ARHGAP32: variants seen among roughly 807,000 people sequenced by gnomAD.
ARHGAP32 encodes the protein rho GTPase-activating protein 32.
A neutral mutation model predicts 186.5 loss-of-function variants in ARHGAP32; 51 were observed. The ratio of observed to expected loss-of-function variants is 0.27; its 90% CI spans 0.22 to 0.35. The LOEUF (loss-of-function observed/expected upper bound fraction) is 0.35. Among genes scored for constraint, ARHGAP32 ranks in the 10% least tolerant of loss-of-function variants. ARHGAP32 has a pLI of 1.00. For synonymous variants in ARHGAP32, 950 were observed against 964.3 expected, an observed-to-expected ratio of 0.99 and a Z score of 0.27; for missense variants, 2,186 against 2,623.5, an observed-to-expected ratio of 0.83 and a Z score of 3.64.
chr11:129,076,875 C>G (rs1446440318), intron 6 of ARHGAP32, among the ~76,000 whole-genome samples: 2 of 152,114 alleles, frequency 1.3e-5, no homozygotes, highest in East Asian at 3.9e-4. Flanking sequence ...AGTCACAAAC[C>G]GTTGGAAAAA....
In ARHGAP32 at chr11:129,192,297, T is replaced by G; in HGVS notation, c.-99A>C. 1.3e-6 allele frequency: 1 copy of G among 799,640 alleles called. No homozygotes were observed. The highest frequency in any genetic ancestry group is 2.5e-5 in the East Asian group (1 of 40,810). The allele number at this position is 799,640 out of a possible 1,614,324, so 49.5% of individuals were successfully genotyped here. On this transcript the variant is annotated 5_prime_UTR_variant, in exon 1 of 23. Transcript: ENST00000682385. ...CTCTACTCATGTATACTCAGATGTGTGTCTGGTGCCCTAGTGACAGGTACT... is the reference window on the plus strand; with the variant it reads ...CTCTACTCATGTATACTCAGATGTGGGTCTGGTGCCCTAGTGACAGGTACT...
At chr11:129,050,499 C>G (rs919769832) in intron 10 of ARHGAP32, among the ~76,000 whole-genome samples, 4 of 152,194 alleles carry the variant, frequency 2.6e-5, no homozygotes, top group Non-Finnish European at 4.4e-5. Context: ...TGCTACTGAG[C>G]TTGCCCAGTG....
chr11:129,097,850 G>A (rs1333798842), intron 5 of ARHGAP32, among the ~76,000 whole-genome samples: 2 of 152,130 alleles, frequency 1.3e-5, no homozygotes, highest in Non-Finnish European at 2.9e-5. Context: ...AACTCAGAGA[G>A]ACCCACACTA....
intron 1 of ARHGAP32, among the ~76,000 whole-genome samples, chr11:129,205,527 CT>C (rs1190430581): frequency 6.6e-6 from 1 of 152,024 alleles, no homozygotes; most frequent in Non-Finnish European, 1.5e-5. Context: ...TTCTGTGCCA[CT>C]TATTACCTAT....
At chr11:129,017,337 G>A (rs1395253521) in intron 11 of ARHGAP32, among the ~76,000 whole-genome samples, 6 of 151,038 alleles carry the variant, frequency 4.0e-5, no homozygotes, top group Admixed American at 2.6e-4. Context: ...ACCTGTAATC[G>A]CAGCTACTCA....
chr11:129,272,493 T>C (rs1945485279), intron 1 of ARHGAP32, among the ~76,000 whole-genome samples: 1 of 152,226 alleles, frequency 6.6e-6, no homozygotes, highest in African/African-American at 2.4e-5. Context: ...ATACCACTTA[T>C]GTCCACATCC....
chr11:129,228,687 T>C (rs1370000541), intron 1 of ARHGAP32, among the ~76,000 whole-genome samples: 1 of 151,906 alleles, frequency 6.6e-6, no homozygotes, highest in Non-Finnish European at 1.5e-5. Flanking sequence ...GAGAGAAACA[T>C]CACACACTGG....
intron 1 of ARHGAP32, among the ~76,000 whole-genome samples, chr11:129,273,517 C>T (rs959904490): frequency 9.9e-5 from 15 of 152,164 alleles, no homozygotes; most frequent in Non-Finnish European, 1.8e-4. Flanking sequence ...AGACAAACAT[C>T]CAGGTCCTCT....
chr11:129,088,328 T>TCCCA (rs1941471247), intron 6 of ARHGAP32, among the ~76,000 whole-genome samples: 1 of 152,332 alleles, frequency 6.6e-6, no homozygotes, highest in East Asian at 1.9e-4. Context: ...ACACCTGTAA[T>TCCCA]CCCAGCACTT....
chr11:128,980,474 A>C, intron 18 of ARHGAP32, 79 bp downstream of exon 18: 1 of 1,212,474 alleles, frequency 8.2e-7, no homozygotes. Context: ...TAAAATACAA[A>C]ATTAAAAGCA....
At chr11:129,136,255 C>T (rs184369500) in intron 2 of ARHGAP32, among the ~76,000 whole-genome samples, 1 of 152,194 alleles carries the variant, frequency 6.6e-6, no homozygotes, top group East Asian at 1.9e-4. Flanking sequence ...ATAAGGCCCA[C>T]GTAAGATTCT....
At chr11:129,154,889 T>TA (rs71057927) in intron 2 of ARHGAP32, among the ~76,000 whole-genome samples, 6 of 151,616 alleles carry the variant, frequency 4.0e-5, no homozygotes, top group Middle Eastern at 3.4e-3. Flanking sequence ...AAATAACATT[T>TA]AAAAAAAAAT....
chr11:129,198,545 T>C (rs2135571471), intron 1 of ARHGAP32, among the ~76,000 whole-genome samples: 1 of 152,328 alleles, frequency 6.6e-6, no homozygotes, highest in East Asian at 1.9e-4. Context: ...GGCACCCCTG[T>C]CGCTTGGCTC....
chr11:129,231,842 T>C lies in ARHGAP32; in HGVS notation c.-5+47304A>G, dbSNP rs554403086. 3.9e-3 allele frequency among the ~76,000 whole-genome samples: 597 copies of C among 151,620 alleles called. 2 individuals carry two copies. Among genetic ancestry groups the C allele is most frequent in the African/African-American group, 0.013 (556 of 41,348 alleles). ...GAGTTCAAGACCAGCCTGGGCAACA[T>C]TGAGAAGCCCCATCTCCATAAAAAA... On this transcript the variant is annotated intron_variant, in intron 1 of 6. Coordinates refer to the ARHGAP32 transcript ENST00000525234.
At chr11:129,051,725 G>C (rs543287793) in intron 10 of ARHGAP32, among the ~76,000 whole-genome samples, 2 of 151,738 alleles carry the variant, frequency 1.3e-5, no homozygotes, top group Non-Finnish European at 2.9e-5. Flanking sequence ...GGGAGGCTGA[G>C]GCAGGCAGAT....
intron 2 of ARHGAP32, among the ~76,000 whole-genome samples, chr11:129,150,373 C>G (rs930280523): frequency 1.3e-5 from 2 of 152,156 alleles, no homozygotes; most frequent in Non-Finnish European, 2.9e-5. Context: ...ATCAGGTTAT[C>G]TAAATCCCTC....
At chr11:129,265,576 T>C (rs1180740176) in intron 1 of ARHGAP32, among the ~76,000 whole-genome samples, 1 of 152,118 alleles carries the variant, frequency 6.6e-6, no homozygotes, top group Non-Finnish European at 1.5e-5. Flanking sequence ...CCCCACATAG[T>C]TGAGTAAACC....
chr11:129,272,122 GA>G (rs1945480840), intron 1 of ARHGAP32, among the ~76,000 whole-genome samples: 1 of 151,958 alleles, frequency 6.6e-6, no homozygotes, highest in East Asian at 1.9e-4. Flanking sequence ...GCTGCAAAAG[GA>G]AACAAAAAAA....
At chr11:129,253,661 T>C (rs998732164) in intron 1 of ARHGAP32, among the ~76,000 whole-genome samples, 2 of 152,178 alleles carry the variant, frequency 1.3e-5, no homozygotes, top group South Asian at 2.1e-4. Flanking sequence ...ATTATTAGTA[T>C]GCAAATTCAA....
Sources: allele counts gnomAD v4.1 joint callset (sites outside exome capture counted in the v4.1 genomes callset), GRCh38; gene constraint gnomAD v4.1.1; transcripts MANE v1.5; gene names NCBI Gene and HGNC (gene_info 2026-07-23, HGNC 2026-07-21).